KIF6: variants seen among roughly 807,000 people sequenced by gnomAD.
KIF6 encodes the protein kinesin-like protein KIF6.
In KIF6, 106 loss-of-function variants were observed where a neutral mutation model predicts 112.7. The ratio of observed to expected loss-of-function variants is 0.94; its 90% CI spans 0.80 to 1.11. KIF6 has a LOEUF of 1.11. Among genes scored for constraint, KIF6 ranks in the 50% least tolerant of loss-of-function variants. The pLI is 0.00. For missense variants in KIF6, 929 were observed against 964.0 expected (o/e 0.96, Z 0.48); for synonymous variants, 339 against 339.9 (o/e 1.00, Z 0.03).
Position 39,725,237 on chromosome 6 carries a change from G to T in KIF6, c.66+8C>A, listed in dbSNP as rs752736247. On this transcript the variant is annotated splice_region_variant and intron_variant, in intron 1 of 22. Coordinates refer to ENST00000287152, the MANE Select transcript of KIF6 (RefSeq NM_145027.6). ...CCGCGCCGGCGCCCCGGAGGCTCCAGCCCGTACCCCTTGTTGGTGCTTCCG... is the reference window on the plus strand; with the variant it reads ...CCGCGCCGGCGCCCCGGAGGCTCCATCCCGTACCCCTTGTTGGTGCTTCCG... 5 of 1,607,890 alleles carry T rather than the reference G, an allele frequency of 3.1e-6. No individual in the cohort carries two copies. Among genetic ancestry groups the T allele is most frequent in the Admixed American group, 1.7e-5 (1 of 59,516 alleles).
intron 3 of KIF6, among the ~76,000 whole-genome samples, chr6:39,712,817 G>C (rs550065729): frequency 3.2e-4 from 48 of 152,268 alleles, no homozygotes; most frequent in Non-Finnish European, 6.5e-4. Flanking sequence ...TTGGGGACAG[G>C]GGGAGGAATA....
At chr6:39,594,682 G>A (rs897238983) in intron 7 of KIF6, among the ~76,000 whole-genome samples, 2 of 152,012 alleles carry the variant, frequency 1.3e-5, no homozygotes, top group Non-Finnish European at 2.9e-5. Flanking sequence ...ATTTAACATC[G>A]AGGCAACATC....
chr6:39,577,321 G>A (rs913050763), intron 10 of KIF6, among the ~76,000 whole-genome samples: 2 of 152,232 alleles, frequency 1.3e-5, no homozygotes, highest in African/African-American at 4.8e-5. Context: ...CATTGAGGGA[G>A]GGTTAGGTGA....
At chr6:39,416,788 A>G (rs1245973112) in intron 15 of KIF6, among the ~76,000 whole-genome samples, 2 of 152,160 alleles carry the variant, frequency 1.3e-5, no homozygotes, top group African/African-American at 4.8e-5. Context: ...AAAACAAACT[A>G]CCCGAGGAGA....
chr6:39,654,238 G>A (rs1002211787), intron 3 of KIF6, among the ~76,000 whole-genome samples: 5 of 152,150 alleles, frequency 3.3e-5, no homozygotes, highest in Non-Finnish European at 1.5e-5. Flanking sequence ...TTTCTTTGAA[G>A]ATAAAATGGA....
intron 13 of KIF6, among the ~76,000 whole-genome samples, chr6:39,526,807 G>T (rs937886271): frequency 1.3e-5 from 2 of 152,184 alleles, no homozygotes; most frequent in Non-Finnish European, 2.9e-5. Context: ...TTTACTGATT[G>T]TTTCTTTAAT....
At chr6:39,663,808 C>A (rs765937311) in intron 3 of KIF6, among the ~76,000 whole-genome samples, 25 of 151,988 alleles carry the variant, frequency 1.6e-4, no homozygotes, top group Non-Finnish European at 3.5e-4. Flanking sequence ...AAGGTACAGA[C>A]TGAAGACAGC....
chr6:39,615,481 C>A (rs1277363827), intron 5 of KIF6, among the ~76,000 whole-genome samples: 1 of 151,022 alleles, frequency 6.6e-6, no homozygotes, highest in Non-Finnish European at 1.5e-5. Context: ...TACACACACC[C>A]ACCCCCACCC....
intron 8 of KIF6, among the ~76,000 whole-genome samples, chr6:39,585,775 A>G (rs967437985): frequency 2.6e-5 from 4 of 152,204 alleles, no homozygotes; most frequent in African/African-American, 9.7e-5. Context: ...TCTGGATTCC[A>G]AACATTAAAC....
At chr6:39,672,393 T>C (rs1051963079) in intron 3 of KIF6, among the ~76,000 whole-genome samples, 41 of 152,230 alleles carry the variant, frequency 2.7e-4, no homozygotes, top group African/African-American at 9.4e-4. Flanking sequence ...GAGGACTTAA[T>C]GAATACTACT....
At chr6:39,544,876 C>T (rs565616711) in intron 11 of KIF6, among the ~76,000 whole-genome samples, 183 bp from the exon 12 acceptor site, 2 of 152,164 alleles carry the variant, frequency 1.3e-5, no homozygotes, top group African/African-American at 4.8e-5. Context: ...CTTCTACCTG[C>T]CTTCTTTCCC....
At chr6:39,703,063 C>CA (rs1315481121) in intron 3 of KIF6, among the ~76,000 whole-genome samples, 2 of 34,700 alleles carry the variant, frequency 5.8e-5, no homozygotes, top group Non-Finnish European at 1.4e-4. Context: ...GCCACCAAGA[C>CA]AAAATCCACC....
At chr6:39,377,748 C>T (rs1256984506) in intron 16 of KIF6, among the ~76,000 whole-genome samples, 2 of 152,190 alleles carry the variant, frequency 1.3e-5, no homozygotes, top group Non-Finnish European at 2.9e-5. Context: ...TCTCTCCAAC[C>T]CGTAAGGCCC....
chr6:39,470,044 T>C (rs553791319), intron 13 of KIF6, among the ~76,000 whole-genome samples: 9 of 152,316 alleles, frequency 5.9e-5, no homozygotes, highest in African/African-American at 2.2e-4. Context: ...GGATAAATCA[T>C]GTCTTTGACC....
At position 39,596,239 on chromosome 6, in the gene KIF6, T is replaced by C; in HGVS notation, c.661A>G (p.Thr221Ala). 1.2e-6 allele frequency: 2 copies of C among 1,613,660 alleles called. No individual in the cohort carries two copies. Among genetic ancestry groups the C allele is most frequent in the South Asian group, 1.1e-5 (1 of 91,060 alleles). ...IAETPMNQAS[T>A]RSHCIFTIHL... Reference sequence around the variant, plus strand: ...ATGGTGAAAATGCAGTGGGAACGGGTTGAAGCTTGGTTCATAGGAGTCTAT... The same window carrying C: ...ATGGTGAAAATGCAGTGGGAACGGGCTGAAGCTTGGTTCATAGGAGTCTAT... Residue 221 changes from threonine (T) to alanine (A), a missense_variant, in exon 7 of 23, where the codon ACC becomes GCC. By Grantham distance (58) the Thr-to-Ala change is moderately conservative. Coordinates refer to ENST00000287152, the MANE Select transcript of KIF6 (RefSeq NM_145027.6).
intron 13 of KIF6, among the ~76,000 whole-genome samples, chr6:39,447,166 T>C (rs1202862699): frequency 6.6e-6 from 1 of 152,160 alleles, no homozygotes. Flanking sequence ...GTTCTCTGCT[T>C]CCCAACCACA....
chr6:39,650,936 G>GA (rs199911143), intron 3 of KIF6, among the ~76,000 whole-genome samples: 9 of 149,384 alleles, frequency 6.0e-5, no homozygotes, highest in South Asian at 2.1e-4. Flanking sequence ...GAATTTACAG[G>GA]AAAAAAAAAA....
chr6:39,440,802 G>A (rs887029328), intron 13 of KIF6, among the ~76,000 whole-genome samples: 2 of 152,184 alleles, frequency 1.3e-5, no homozygotes, highest in Admixed American at 1.3e-4. Flanking sequence ...AGGTCAGGGG[G>A]AAGGTCAGTG....
intron 13 of KIF6, among the ~76,000 whole-genome samples, chr6:39,489,912 C>T (rs371057963): frequency 1.3e-5 from 2 of 152,150 alleles, no homozygotes; most frequent in Middle Eastern, 3.2e-3. Context: ...CTACTGACGG[C>T]ATATTTGACC....
Sources: gnomAD v4.1 joint callset for allele counts (sites outside exome capture counted in the v4.1 genomes callset) on GRCh38, gnomAD v4.1.1 for gene constraint, MANE v1.5 for transcripts, NCBI Gene and HGNC (gene_info 2026-07-23, HGNC 2026-07-21) for gene names.